NHERF4: variants seen among roughly 807,000 people sequenced by gnomAD.
The protein encoded by NHERF4 is Na(+)/H(+) exchange regulatory cofactor NHE-RF4.
At chr11:119,189,687 C>T in the NHERF4 span, 1 of 640,938 alleles carries the variant, frequency 1.6e-6, no homozygotes, top group East Asian at 2.8e-5. This position sits in a 1 kb window ranked among gnomAD's most constrained non-coding sequence, Gnocchi z 5.8. Flanking sequence ...AGGCCTCAGA[C>T]AGGTCCCTGA....
At chr11:119,186,347 C>A in the NHERF4 span, 1 of 1,554,526 alleles carries the variant, frequency 6.4e-7, no homozygotes, top group Non-Finnish European at 8.8e-7. This position sits in a 1 kb window ranked among gnomAD's most constrained non-coding sequence, Gnocchi z 4.4. Context: ...ACGAACCCCA[C>A]CACCCAACAC....
chr11:119,187,236 A>G, the NHERF4 span: 1 of 1,545,120 alleles, frequency 6.5e-7, no homozygotes, highest in African/African-American at 1.4e-5. Flanking sequence ...AAGAGGGTCT[A>G]GACCAAACCC....
the NHERF4 span, chr11:119,187,756 G>A: frequency 1.4e-5 from 20 of 1,466,276 alleles, no homozygotes; most frequent in Admixed American, 2.8e-5. Flanking sequence ...GCCCCACCTC[G>A]GGAAGACGCC....
At chr11:119,188,737 C>T in the NHERF4 span, 2 of 1,614,094 alleles carry the variant, frequency 1.2e-6, no homozygotes, top group African/African-American at 2.7e-5. Context: ...GAGGACCCTT[C>T]ACTTGAAGAC....
At chr11:119,187,650 G>A in the NHERF4 span, 2 of 1,555,708 alleles carry the variant, frequency 1.3e-6, no homozygotes, top group African/African-American at 1.4e-5. Context: ...GCTGCTGGAA[G>A]TGAATGGGGT....
chr11:119,187,062 C>G, the NHERF4 span, among the ~76,000 whole-genome samples: 1 of 148,778 alleles, frequency 6.7e-6, no homozygotes, highest in South Asian at 2.1e-4. Flanking sequence ...ATCACTTGAA[C>G]ATGGGAGGCG....
chr11:119,189,853 A>C, the NHERF4 span: 1 of 369,622 alleles, frequency 2.7e-6, no homozygotes, highest in Middle Eastern at 8.1e-4. This position sits in a 1 kb window ranked among gnomAD's most constrained non-coding sequence, Gnocchi z 5.8. Flanking sequence ...AAATTTGGAG[A>C]CCAGCTATGC....
the NHERF4 span, chr11:119,185,991 T>C: frequency 6.2e-6 from 10 of 1,613,880 alleles, no homozygotes; most frequent in South Asian, 1.1e-5. Flanking sequence ...GAGGAAATAA[T>C]TGGAGGCAGC....
At chr11:119,187,522 G>A in the NHERF4 span, 8 of 1,612,522 alleles carry the variant, frequency 5.0e-6, no homozygotes, top group African/African-American at 1.1e-4. Flanking sequence ...TTCAGGGCAG[G>A]CAGGAAACAG....
At chr11:119,188,376 A>G in the NHERF4 span, 3 of 1,613,812 alleles carry the variant, frequency 1.9e-6, no homozygotes, top group Admixed American at 3.3e-5. Context: ...TGGGAGGTGG[A>G]CCCGGGACTG....
At chr11:119,187,991 G>C in the NHERF4 span, 2 of 1,573,696 alleles carry the variant, frequency 1.3e-6, no homozygotes, top group Admixed American at 1.9e-5. Flanking sequence ...GCCAGAGGTG[G>C]AAGAACAGTG....
chr11:119,186,691 G>A, the NHERF4 span: 3 of 1,598,556 alleles, frequency 1.9e-6, no homozygotes, highest in South Asian at 3.3e-5. This position sits in a 1 kb window ranked among gnomAD's most constrained non-coding sequence, Gnocchi z 4.4. Flanking sequence ...CTATGCGGTG[G>A]TAAGGCTGTG....
the NHERF4 span, chr11:119,186,663 T>C: frequency 1.3e-4 from 204 of 1,609,448 alleles, no homozygotes; most frequent in Admixed American, 6.2e-4. The surrounding 1 kb of genome is among the most constrained non-coding windows in gnomAD (Gnocchi z 4.4). Flanking sequence ...TGAACAATGA[T>C]GTTGTGGAAC....
chr11:119,187,645 T>C, the NHERF4 span: 22 of 1,555,490 alleles, frequency 1.4e-5, no homozygotes, highest in Middle Eastern at 1.7e-4. Flanking sequence ...GCCCGGCTGC[T>C]GGAAGTGAAT....
chr11:119,189,960 T>C, the NHERF4 span: 1 of 346,214 alleles, frequency 2.9e-6, no homozygotes, highest in Non-Finnish European at 5.3e-6. The surrounding 1 kb of genome is among the most constrained non-coding windows in gnomAD (Gnocchi z 5.8). Flanking sequence ...TCTGACTGCC[T>C]GTGTTTGTGT....
At chr11:119,187,810 T>A in the NHERF4 span, 2 of 1,457,366 alleles carry the variant, frequency 1.4e-6, no homozygotes, top group African/African-American at 1.4e-5. Flanking sequence ...CTCCTACCTT[T>A]ATCACCATCC....
the NHERF4 span, chr11:119,187,249 G>T: frequency 6.4e-7 from 1 of 1,563,182 alleles, no homozygotes; most frequent in Non-Finnish European, 8.7e-7. Context: ...CCAAACCCAC[G>T]CCCACGTGCC....
chr11:119,186,137 C>T, the NHERF4 span: 14 of 1,614,024 alleles, frequency 8.7e-6, no homozygotes, highest in African/African-American at 1.6e-4. The surrounding 1 kb of genome is among the most constrained non-coding windows in gnomAD (Gnocchi z 4.4). Flanking sequence ...ATCCTGTCCT[C>T]TCCCTGGCCG....
At chr11:119,188,175 AGGTGGGCCTTGG>A in the NHERF4 span, 30 of 1,518,584 alleles carry the variant, frequency 2.0e-5, no homozygotes, top group Non-Finnish European at 2.4e-5. Flanking sequence ...CGGTGGGGGA[AGGTGGGCCTTGG>A]GGTGGGCACA....
Sources: allele counts gnomAD v4.1 joint callset (sites outside exome capture counted in the v4.1 genomes callset), GRCh38; gene constraint gnomAD v4.1.1; non-coding constraint Gnocchi (gnomAD v3.1); transcripts MANE v1.5; gene names NCBI Gene and HGNC (gene_info 2026-07-23, HGNC 2026-07-21).